The following RSU1 variants were observed in gnomAD, a reference collection of about 807,000 sequenced individuals.
RSU1 encodes Ras suppressor protein 1, also known as rsu-1.
A neutral mutation model predicts 31.1 loss-of-function variants in RSU1; 26 were observed. That is an observed-to-expected ratio of 0.84 (90% confidence interval 0.61 to 1.16). RSU1 has a LOEUF of 1.16. RSU1 is among the 50% of genes most tolerant of loss of function. The pLI is 0.00. For missense variants in RSU1, 320 were observed against 339.1 expected (o/e 0.94, Z 0.44); for synonymous variants, 164 against 136.3 (o/e 1.20, Z -1.41).
intron 8 of RSU1, among the ~76,000 whole-genome samples, chr10:16,639,147 AATT>A (rs1229192047): frequency 6.6e-6 from 1 of 152,204 alleles, no homozygotes; most frequent in African/African-American, 2.4e-5. Context: ...ATTATGTATA[AATT>A]ATTAAGTTAT....
intron 3 of RSU1, among the ~76,000 whole-genome samples, chr10:16,773,599 C>A (rs145052073): frequency 1.3e-5 from 2 of 152,288 alleles, no homozygotes; most frequent in Admixed American, 6.5e-5. Context: ...AAAGCTCTGT[C>A]GCCTCCTCAT....
chr10:16,798,942 A>G (rs1564362134), intron 2 of RSU1, among the ~76,000 whole-genome samples: 1 of 152,226 alleles, frequency 6.6e-6, no homozygotes, highest in Admixed American at 6.5e-5. Flanking sequence ...ATTTTTATGT[A>G]CTATCCACAG....
intron 8 of RSU1, among the ~76,000 whole-genome samples, chr10:16,621,992 G>A (rs1485445203): frequency 1.3e-5 from 2 of 152,146 alleles, no homozygotes; most frequent in Non-Finnish European, 2.9e-5. Context: ...TAACAATACA[G>A]GTGCCTTGCT....
intron 7 of RSU1, among the ~76,000 whole-genome samples, chr10:16,699,060 G>T (rs771277784): frequency 2.0e-5 from 3 of 152,156 alleles, no homozygotes; most frequent in Non-Finnish European, 4.4e-5. Flanking sequence ...GTATGATGTT[G>T]GTCTTTCTTT....
At chr10:16,785,467 T>TACAC (rs781020151) in intron 2 of RSU1, among the ~76,000 whole-genome samples, 10 of 131,904 alleles carry the variant, frequency 7.6e-5, no homozygotes, top group African/African-American at 2.5e-4. Context: ...TACATATATA[T>TACAC]ATACACATAT....
chr10:16,645,205 G>GA (rs1834515332), intron 8 of RSU1, among the ~76,000 whole-genome samples: 3 of 152,308 alleles, frequency 2.0e-5, no homozygotes, highest in African/African-American at 7.2e-5. Context: ...GGGCTAGCAA[G>GA]GTTGGTGAAG....
At chr10:16,655,376 G>T (rs1834760057) in intron 8 of RSU1, among the ~76,000 whole-genome samples, 1 of 152,178 alleles carries the variant, frequency 6.6e-6, no homozygotes, top group South Asian at 2.1e-4. Flanking sequence ...GCTGGGATCT[G>T]TCACTTAGAG....
At chr10:16,772,718 G>A (rs1299743927) in intron 3 of RSU1, among the ~76,000 whole-genome samples, 9 of 148,926 alleles carry the variant, frequency 6.0e-5, no homozygotes, top group Admixed American at 6.0e-4. Flanking sequence ...TGTTATAAAA[G>A]GACTGATCTA....
intron 7 of RSU1, among the ~76,000 whole-genome samples, chr10:16,747,196 G>A (rs1836873354): frequency 1.3e-5 from 2 of 152,098 alleles, no homozygotes. Context: ...TCAGTGTTTA[G>A]GAACCATAGT....
chr10:16,685,640 G>A (rs557877498), intron 8 of RSU1, among the ~76,000 whole-genome samples: 3 of 150,276 alleles, frequency 2.0e-5, no homozygotes, highest in Admixed American at 6.6e-5. Flanking sequence ...CGCCATCTTG[G>A]TTTTGTTGGA....
In RSU1 at chr10:16,781,987, G is replaced by A. The variant is rs753402820; in HGVS notation, c.160+47C>T. 1.1e-5 allele frequency: 17 copies of A among 1,520,004 alleles called. No homozygotes were observed. In the South Asian group the frequency reaches 1.9e-4, roughly 17 times the overall value. 94.2% of individuals were successfully genotyped at this position (1,520,004 alleles called of 1,614,324 possible). A position where few individuals can be genotyped will look rare whatever the true frequency, so the allele number is the denominator to read the frequency against. ...AGTAACAGACTCAGCAGTGCCATAGGATTACCTAAATGTCAGAAACTGTAA... is the reference window on the plus strand; with the variant it reads ...AGTAACAGACTCAGCAGTGCCATAGAATTACCTAAATGTCAGAAACTGTAA... On this transcript the variant is annotated intron_variant, in intron 3 of 8. Coordinates refer to ENST00000345264, the MANE Select transcript of RSU1 (RefSeq NM_012425.4).
At chr10:16,655,527 AATTATAT>A (rs1237379679) in intron 8 of RSU1, among the ~76,000 whole-genome samples, 1 of 152,242 alleles carries the variant, frequency 6.6e-6, no homozygotes, top group Non-Finnish European at 1.5e-5. Flanking sequence ...ACTGTTTGAT[AATTATAT>A]ATTATATACA....
At chr10:16,650,450 C>T (rs1393682676) in intron 8 of RSU1, among the ~76,000 whole-genome samples, 2 of 151,334 alleles carry the variant, frequency 1.3e-5, no homozygotes, top group Non-Finnish European at 1.5e-5. Flanking sequence ...TTCATAAAGA[C>T]AATGATAAAG....
chr10:16,593,977 A>C (rs1182254602), intron 8 of RSU1, among the ~76,000 whole-genome samples: 1 of 152,236 alleles, frequency 6.6e-6, no homozygotes, highest in Non-Finnish European at 1.5e-5. Context: ...GCCACCACAC[A>C]TCAATGCCAC....
rs35267148 is a variant in RSU1, at chr10:16,805,666, C to CA, written c.109+11306dup. On this transcript the variant is annotated intron_variant, in intron 2 of 8. Coordinates refer to ENST00000345264, the MANE Select transcript of RSU1 (RefSeq NM_012425.4). Reference sequence around the variant, plus strand: ...ACTCCGACAGAGCGAGACTCCGTCTCAAAAAAAAAAAAAAAAAGCTTTTTT... The same window carrying CA: ...ACTCCGACAGAGCGAGACTCCGTCTCAAAAAAAAAAAAAAAAAAGCTTTTTT... 7.4e-3 allele frequency among the ~76,000 whole-genome samples: 576 copies of CA among 78,010 alleles called. 1 individual carries two copies. Among genetic ancestry groups the CA allele is most frequent in the Non-Finnish European group, 0.011 (373 of 34,086 alleles). 51.2% of individuals were successfully genotyped at this position (78,010 alleles called of 152,430 possible).
chr10:16,620,560 A>AC, intron 8 of RSU1, among the ~76,000 whole-genome samples: 1 of 151,864 alleles, frequency 6.6e-6, no homozygotes, highest in Non-Finnish European at 1.5e-5. Flanking sequence ...AAATGTTAAA[A>AC]AAAAAAAAAA....
intron 2 of RSU1, among the ~76,000 whole-genome samples, chr10:16,806,268 C>A (rs992205796): frequency 9.9e-5 from 15 of 152,162 alleles, no homozygotes; most frequent in Admixed American, 2.0e-4. Flanking sequence ...TAGAACATGA[C>A]CGGGTGGCCA....
intron 8 of RSU1, among the ~76,000 whole-genome samples, chr10:16,658,048 C>T (rs2131523794): frequency 6.6e-6 from 1 of 152,218 alleles, no homozygotes; most frequent in Admixed American, 6.5e-5. Flanking sequence ...CAAGATGCAA[C>T]TTGATGCCCC....
chr10:16,621,479 G>C (rs746066380), intron 8 of RSU1, among the ~76,000 whole-genome samples: 1 of 152,174 alleles, frequency 6.6e-6, no homozygotes, highest in Non-Finnish European at 1.5e-5. Flanking sequence ...GTACACTGAT[G>C]CAAGTTGTCA....
Sources: allele counts gnomAD v4.1 joint callset (sites outside exome capture counted in the v4.1 genomes callset), GRCh38; gene constraint gnomAD v4.1.1; transcripts MANE v1.5; gene names NCBI Gene and HGNC (gene_info 2026-07-23, HGNC 2026-07-21).